The following DTNB variants were observed in gnomAD, a reference collection of about 807,000 sequenced individuals.
DTNB encodes dystrobrevin beta.
A neutral mutation model predicts 90.7 loss-of-function variants in DTNB; 63 were observed. The ratio of observed to expected loss-of-function variants is 0.69; its 90% CI spans 0.57 to 0.86. DTNB has a LOEUF of 0.86. Among genes scored for constraint, DTNB ranks in the 40% least tolerant of loss-of-function variants. The pLI is 0.00. For synonymous variants in DTNB, 277 were observed against 286.7 expected, an observed-to-expected ratio of 0.97 and a Z score of 0.34; for missense variants, 744 against 807.1, an observed-to-expected ratio of 0.92 and a Z score of 0.95.
At position 25,633,974 on chromosome 2, in the gene DTNB, G is replaced by A. The variant is rs564916396; in HGVS notation, c.148+5040C>T. Among the ~76,000 whole-genome samples, 534 of 151,418 alleles carry A rather than the reference G, an allele frequency of 3.5e-3. 2 individuals carry two copies. Among genetic ancestry groups the A allele is most frequent in the African/African-American group, 0.012 (508 of 41,274 alleles). On this transcript the variant is annotated intron_variant, in intron 3 of 20. Transcript: ENST00000406818. ...TGAGAAGTGAGGAGCCCCTCCACCC[G>A]GCAGCCGCCCCGTCAGAGAAGTGAG...
At chr2:25,567,705 T>C (rs1278468431) in intron 8 of DTNB, among the ~76,000 whole-genome samples, 1 of 152,136 alleles carries the variant, frequency 6.6e-6, no homozygotes, top group Non-Finnish European at 1.5e-5. Flanking sequence ...GGTACAGGCG[T>C]ATTTTGTATC....
intron 4 of DTNB, among the ~76,000 whole-genome samples, chr2:25,627,783 C>A (rs1352965858): frequency 6.7e-6 from 1 of 149,488 alleles, no homozygotes; most frequent in Non-Finnish European, 1.5e-5. Flanking sequence ...GTCGCCCAGG[C>A]TGGAGTGCAG....
At chr2:25,624,284 G>A (rs1261314434) in intron 4 of DTNB, among the ~76,000 whole-genome samples, 1 of 152,146 alleles carries the variant, frequency 6.6e-6, no homozygotes, top group Non-Finnish European at 1.5e-5. Flanking sequence ...ATAAAAGCAA[G>A]CTGTGCTCTG....
At chr2:25,403,053 C>G (rs1392437325) in intron 16 of DTNB, among the ~76,000 whole-genome samples, 1 of 152,166 alleles carries the variant, frequency 6.6e-6, no homozygotes. Context: ...AATTCCAAGA[C>G]TAGAATTACC....
At chr2:25,553,389 G>GT (rs2056714163) in intron 8 of DTNB, among the ~76,000 whole-genome samples, 1 of 152,116 alleles carries the variant, frequency 6.6e-6, no homozygotes, top group Non-Finnish European at 1.5e-5. Context: ...TATAATCCAT[G>GT]TAATTTTTGT....
chr2:25,381,197 A>C (rs1004155560), intron 19 of DTNB, among the ~76,000 whole-genome samples: 1 of 151,726 alleles, frequency 6.6e-6, no homozygotes, highest in South Asian at 2.1e-4. Context: ...GTGCATGTGC[A>C]TGTGCGTGTG....
chr2:25,420,467 AATCTATCTATCTATCTATCTATCT>A (rs70947889), intron 15 of DTNB, among the ~76,000 whole-genome samples: 2,578 of 145,616 alleles, frequency 0.018, 47 homozygotes, highest in African/African-American at 0.048. Context: ...CATCTAAATC[AATCTATCTATCTATCTATCTATCT>A]ATCTATCTAT....
At chr2:25,404,571 A>C (rs1227271557) in intron 16 of DTNB, among the ~76,000 whole-genome samples, 1 of 151,980 alleles carries the variant, frequency 6.6e-6, no homozygotes, top group African/African-American at 2.4e-5. Context: ...GCCACAGATA[A>C]GGGCTGGGCA....
At chr2:25,569,180 C>T (rs1309293481) in intron 8 of DTNB, among the ~76,000 whole-genome samples, 1 of 152,118 alleles carries the variant, frequency 6.6e-6, no homozygotes, top group East Asian at 1.9e-4. Flanking sequence ...CCAGCGAAGG[C>T]CCCAGATGGC....
chr2:25,462,012 G>A (rs1374431555), intron 10 of DTNB, among the ~76,000 whole-genome samples: 1 of 152,182 alleles, frequency 6.6e-6, no homozygotes, highest in African/African-American at 2.4e-5. Flanking sequence ...CCAGAGCTGA[G>A]GACAGAGGGT....
intron 10 of DTNB, among the ~76,000 whole-genome samples, chr2:25,474,469 T>C (rs181850844): frequency 2.6e-5 from 4 of 152,322 alleles, no homozygotes; most frequent in African/African-American, 9.6e-5. Flanking sequence ...TGAGTCCACA[T>C]ATGGATAGTT....
chr2:25,402,806 A>G (rs1319176895), intron 16 of DTNB, among the ~76,000 whole-genome samples: 2 of 152,228 alleles, frequency 1.3e-5, no homozygotes, highest in African/African-American at 4.8e-5. Context: ...CAATGGCAGA[A>G]AGTTAGGGTT....
At chr2:25,494,084 T>C (rs2068205787) in intron 9 of DTNB, among the ~76,000 whole-genome samples, 1 of 152,192 alleles carries the variant, frequency 6.6e-6, no homozygotes, top group Non-Finnish European at 1.5e-5. Flanking sequence ...GGGGAGGTTG[T>C]GGGGGGAAGA....
At position 25,431,156 on chromosome 2, in the gene DTNB, C is replaced by T. The variant is rs542277957; in HGVS notation, c.1457+1730G>A. ...CTTCTTTCATGGTAATTCTGAGATA[C>T]TACTTTCTATTCCAAAATCCTGAGG... On this transcript the variant is annotated intron_variant, in intron 14 of 20. Transcript: ENST00000406818. Among the ~76,000 whole-genome samples, 13 of 152,084 alleles carry T rather than the reference C, an allele frequency of 8.5e-5. No homozygotes were observed. In the South Asian group the frequency reaches 2.7e-3, roughly 32 times the overall value.
chr2:25,453,097 G>A (rs1003166434), intron 11 of DTNB, among the ~76,000 whole-genome samples: 2 of 152,114 alleles, frequency 1.3e-5, no homozygotes, highest in African/African-American at 4.8e-5. Flanking sequence ...TCATATTATG[G>A]AGGGATTGGT....
intron 16 of DTNB, among the ~76,000 whole-genome samples, chr2:25,417,239 T>C (rs922734633): frequency 1.3e-5 from 2 of 152,146 alleles, no homozygotes; most frequent in African/African-American, 4.8e-5. Flanking sequence ...TCCCAAGATA[T>C]ACCTACAGTG....
chr2:25,425,539 TCTC>T (rs1177025046), intron 15 of DTNB, among the ~76,000 whole-genome samples: 2 of 152,160 alleles, frequency 1.3e-5, no homozygotes, highest in African/African-American at 4.8e-5. Flanking sequence ...ATGAAATTAG[TCTC>T]CTATTATCCT....
chr2:25,480,406 A>G (rs1267812228), intron 10 of DTNB, among the ~76,000 whole-genome samples: 1 of 152,202 alleles, frequency 6.6e-6, no homozygotes, highest in Non-Finnish European at 1.5e-5. Context: ...AATCCAGGCT[A>G]TAGATTATCT....
At chr2:25,622,078 T>C (rs1334097929) in intron 4 of DTNB, among the ~76,000 whole-genome samples, 1 of 152,220 alleles carries the variant, frequency 6.6e-6, no homozygotes, top group African/African-American at 2.4e-5. Flanking sequence ...AATTTCATTC[T>C]ATTTCTGAAC....
Sources: allele counts gnomAD v4.1 joint callset (sites outside exome capture counted in the v4.1 genomes callset), GRCh38; gene constraint gnomAD v4.1.1; transcripts MANE v1.5; gene names NCBI Gene and HGNC (gene_info 2026-07-23, HGNC 2026-07-21).